OR2L13: variants seen among roughly 807,000 people sequenced by gnomAD.
The protein encoded by OR2L13 is olfactory receptor 2L13.
In OR2L13, 14 loss-of-function variants were observed where a neutral mutation model predicts 15.3. The observed-to-expected ratio is 0.91, with a 90% CI of 0.60 to 1.43. The LOEUF (loss-of-function observed/expected upper bound fraction) is 1.43. Among genes scored for constraint, OR2L13 ranks in the 40% most tolerant of loss-of-function variants. The probability of loss-of-function intolerance (pLI) is 0.00; values close to 1 mark genes in which losing one functional copy is unlikely to be tolerated. For synonymous variants in OR2L13, 152 were observed against 142.9 expected (o/e 1.06, Z -0.45); for missense variants, 367 against 387.9 (o/e 0.95, Z 0.45).
chr1:248,080,171 A>G, the OR2L13 span, among the ~76,000 whole-genome samples: 1 of 152,196 alleles, frequency 6.6e-6, no homozygotes, highest in Non-Finnish European at 1.5e-5. Context: ...ATCAAGCTGT[A>G]CAATTAAGAT....
upstream of OR2L13, among the ~76,000 whole-genome samples, chr1:248,090,197 T>C (rs535745813): frequency 6.6e-6 from 1 of 152,152 alleles, no homozygotes; most frequent in African/African-American, 2.4e-5. Context: ...CTGACTTGAG[T>C]TTCGTTTGGT....
At chr1:247,987,906 A>G in the OR2L13 span, among the ~76,000 whole-genome samples, 1 of 152,282 alleles carries the variant, frequency 6.6e-6, no homozygotes, top group Non-Finnish European at 1.5e-5. Flanking sequence ...AATACAAAAA[A>G]TATATATTCT....
chr1:248,095,606 G>GTTTTTTTTTTTTTTTTTTTTTTT (rs1476154907), upstream of OR2L13, among the ~76,000 whole-genome samples: 1 of 6,626 alleles, frequency 1.5e-4, no homozygotes, highest in Admixed American at 2.3e-3. Flanking sequence ...TAAAGCTGCT[G>GTTTTTTTTTTTTTTTTTTTTTTT]CTTTTTTTTT....
At chr1:248,059,135 T>C in the OR2L13 span, among the ~76,000 whole-genome samples, 1 of 152,178 alleles carries the variant, frequency 6.6e-6, no homozygotes, top group Non-Finnish European at 1.5e-5. Context: ...AGTATGATCA[T>C]GTGTGATTAT....
the OR2L13 span, among the ~76,000 whole-genome samples, chr1:247,947,864 A>G: frequency 1.3e-5 from 2 of 152,238 alleles, no homozygotes; most frequent in African/African-American, 2.4e-5. Context: ...TTGCACAAAG[A>G]TCATTCAAGT....
At chr1:248,051,597 G>A in the OR2L13 span, among the ~76,000 whole-genome samples, 1 of 152,080 alleles carries the variant, frequency 6.6e-6, no homozygotes, top group African/African-American at 2.4e-5. Flanking sequence ...GGAGAGTGAG[G>A]GAGGAGGCAA....
the OR2L13 span, among the ~76,000 whole-genome samples, chr1:248,059,303 C>T: frequency 2.0e-5 from 3 of 152,178 alleles, no homozygotes; most frequent in Non-Finnish European, 4.4e-5. Flanking sequence ...CTGATGTCTT[C>T]TATCTGGAGT....
At chr1:247,999,876 A>G in the OR2L13 span, among the ~76,000 whole-genome samples, 2 of 152,066 alleles carry the variant, frequency 1.3e-5, no homozygotes, top group Admixed American at 1.3e-4. Context: ...CTGTTTTACC[A>G]TTTTCCAGCT....
the OR2L13 span, among the ~76,000 whole-genome samples, chr1:247,951,371 T>C: frequency 1.3e-5 from 2 of 152,202 alleles, no homozygotes; most frequent in African/African-American, 2.4e-5. Context: ...GGTTTGGTCA[T>C]TTAAATAATA....
the OR2L13 span, among the ~76,000 whole-genome samples, chr1:247,985,340 A>G: frequency 2.6e-5 from 4 of 151,038 alleles, no homozygotes; most frequent in Non-Finnish European, 5.9e-5. Context: ...ATTCCCACCT[A>G]TGGGTGAGAA....
chr1:248,010,640 T>A, the OR2L13 span, among the ~76,000 whole-genome samples: 4 of 152,126 alleles, frequency 2.6e-5, no homozygotes, highest in Admixed American at 1.3e-4. Context: ...TTAGAATAGT[T>A]AGCTCTTCTT....
chr1:248,018,641 GTAAA>G, the OR2L13 span, among the ~76,000 whole-genome samples: 1 of 152,142 alleles, frequency 6.6e-6, no homozygotes, highest in Non-Finnish European at 1.5e-5. Flanking sequence ...TTTAATTAGA[GTAAA>G]TATACTTAAG....
the OR2L13 span, among the ~76,000 whole-genome samples, chr1:248,067,250 T>A: frequency 6.6e-6 from 1 of 152,230 alleles, no homozygotes; most frequent in African/African-American, 2.4e-5. Flanking sequence ...AACTGTCTAC[T>A]TTTACATATT....
At chr1:248,095,093 A>G (rs1384102491), upstream of OR2L13, 10 of 152,176 alleles carry the variant, frequency 6.6e-5, no homozygotes, top group Non-Finnish European at 4.4e-5. Context: ...GCCCCCGTGG[A>G]CTTGGACACT....
the OR2L13 span, among the ~76,000 whole-genome samples, chr1:248,068,153 C>T: frequency 1.3e-5 from 2 of 152,140 alleles, no homozygotes; most frequent in Non-Finnish European, 2.9e-5. Flanking sequence ...GTGGTTCTCC[C>T]AGCACGCAGC....
the OR2L13 span, chr1:247,997,103 A>C: frequency 6.6e-6 from 1 of 152,230 alleles, no homozygotes; most frequent in Non-Finnish European, 1.5e-5. Flanking sequence ...TATGCATATC[A>C]AAATAAATAT....
the OR2L13 span, among the ~76,000 whole-genome samples, chr1:248,011,207 A>T: frequency 6.6e-6 from 1 of 152,104 alleles, no homozygotes; most frequent in Non-Finnish European, 1.5e-5. Context: ...TCCTTCATGT[A>T]TGAAGCTTAG....
At chr1:248,078,529 A>T in the OR2L13 span, among the ~76,000 whole-genome samples, 4 of 151,964 alleles carry the variant, frequency 2.6e-5, no homozygotes, top group African/African-American at 7.3e-5. Flanking sequence ...TGGAAAAAAA[A>T]GGGGCAGTAT....
chr1:248,079,530 A>G, the OR2L13 span, among the ~76,000 whole-genome samples: 16 of 152,170 alleles, frequency 1.1e-4, no homozygotes, highest in Admixed American at 4.6e-4. Context: ...ACAAGACAGG[A>G]TGATTATTCT....
Sources: allele counts gnomAD v4.1 joint callset (sites outside exome capture counted in the v4.1 genomes callset), GRCh38; gene constraint gnomAD v4.1.1; transcripts MANE v1.5; gene names NCBI Gene and HGNC (gene_info 2026-07-23, HGNC 2026-07-21).